ZNF438: variants seen among roughly 807,000 people sequenced by gnomAD.
The protein encoded by ZNF438 is zinc finger protein 438.
Under a neutral mutation model 38.0 loss-of-function variants are expected in ZNF438, and 25 were observed. The ratio of observed to expected loss-of-function variants is 0.66; its 90% CI spans 0.48 to 0.92. ZNF438 has a LOEUF of 0.92. ZNF438 is among the 40% of genes least tolerant of loss of function. ZNF438 has a pLI of 0.00. For synonymous variants in ZNF438, 372 were observed against 364.1 expected (o/e 1.02, Z -0.25); for missense variants, 1,007 against 999.6 (o/e 1.01, Z -0.10).
chr10:30,861,450 G>A (rs1182450686), intron 4 of ZNF438, among the ~76,000 whole-genome samples: 23 of 152,002 alleles, frequency 1.5e-4, no homozygotes, highest in Admixed American at 1.5e-3. Context: ...GCTGCAAGAG[G>A]AAACAAGCAT....
chr10:30,939,942 A>G (rs937837653), intron 2 of ZNF438, among the ~76,000 whole-genome samples: 2 of 152,210 alleles, frequency 1.3e-5, no homozygotes, highest in African/African-American at 4.8e-5. Flanking sequence ...GTGGAAAAAT[A>G]TATTCTGCAT....
intron 3 of ZNF438, among the ~76,000 whole-genome samples, chr10:30,889,057 T>C (rs1343049360): frequency 6.6e-6 from 1 of 152,208 alleles, no homozygotes. Flanking sequence ...CACATATATA[T>C]ACAATAATAT....
intron 1 of ZNF438, among the ~76,000 whole-genome samples, chr10:30,958,700 T>C (rs1198837041): frequency 6.8e-6 from 1 of 146,980 alleles, no homozygotes; most frequent in Non-Finnish European, 1.5e-5. Flanking sequence ...CCCAATTCCC[T>C]TGAGTTCATA....
At chr10:30,867,678 G>C (rs1270399122) in intron 4 of ZNF438, among the ~76,000 whole-genome samples, 2 of 152,136 alleles carry the variant, frequency 1.3e-5, no homozygotes, top group African/African-American at 2.4e-5. Flanking sequence ...GGGCAGGTTT[G>C]TGTGAATGAG....
At chr10:30,858,123 C>T (rs556787538) in intron 4 of ZNF438, among the ~76,000 whole-genome samples, 1 of 152,316 alleles carries the variant, frequency 6.6e-6, no homozygotes, top group South Asian at 2.1e-4. Flanking sequence ...GAGGCGTGTC[C>T]CTGCTCTTGA....
chr10:30,865,285 A>G (rs1453390156), intron 4 of ZNF438, among the ~76,000 whole-genome samples: 1 of 152,216 alleles, frequency 6.6e-6, no homozygotes, highest in African/African-American at 2.4e-5. Flanking sequence ...CACACATAGC[A>G]ATGCGCAATA....
At chr10:30,930,803 CAAAAAAAAAAAAAAAAAAA>C (rs71527620) in intron 2 of ZNF438, among the ~76,000 whole-genome samples, 3 of 38,444 alleles carry the variant, frequency 7.8e-5, no homozygotes, top group Admixed American at 8.2e-4. Context: ...GAAACTCAGT[CAAAAAAAAAAAAAAAAAAA>C]AAAAAAAAAA....
At chr10:30,857,201 T>G (rs1475182652) in intron 4 of ZNF438, among the ~76,000 whole-genome samples, 1 of 152,074 alleles carries the variant, frequency 6.6e-6, no homozygotes, top group Non-Finnish European at 1.5e-5. Flanking sequence ...CATATCTAAA[T>G]TTTAAATAGA....
At chr10:30,976,494 C>A (rs2051364885) in intron 1 of ZNF438, among the ~76,000 whole-genome samples, 2 of 152,158 alleles carry the variant, frequency 1.3e-5, no homozygotes, top group Non-Finnish European at 2.9e-5. Context: ...GTAATCCCAG[C>A]ACTTTGGGAG....
At position 30,906,854 on chromosome 10, in the gene ZNF438, G is replaced by A. The variant is rs142808090; in HGVS notation, c.-32+2079C>T. Among the ~76,000 whole-genome samples the A allele has an allele frequency of 5.9e-5, 9 of 152,276 alleles. No individual in the cohort carries two copies. In the East Asian group the frequency reaches 1.7e-3, roughly 29 times the overall value. On this transcript the variant is annotated intron_variant, in intron 3 of 5. Transcript: ENST00000413025. ...CTGTTCTCTATTCTATTAATGTGGT[G>A]TCAACACTGATTTTTCATATGTCAA...
At chr10:30,971,871 A>G (rs534825410) in intron 1 of ZNF438, among the ~76,000 whole-genome samples, 60 of 152,340 alleles carry the variant, frequency 3.9e-4, no homozygotes, top group Admixed American at 2.9e-3. Flanking sequence ...CTCGGAAGCC[A>G]TAAATCAAAA....
chr10:30,889,082 T>G (rs1235677603), intron 3 of ZNF438, among the ~76,000 whole-genome samples: 1 of 152,210 alleles, frequency 6.6e-6, no homozygotes, highest in African/African-American at 2.4e-5. Context: ...TAGAAGCTAA[T>G]AGTACATAAA....
At chr10:30,991,902 C>G (rs1301400846) in intron 1 of ZNF438, among the ~76,000 whole-genome samples, 1 of 152,168 alleles carries the variant, frequency 6.6e-6, no homozygotes, top group Admixed American at 6.5e-5. Flanking sequence ...GAAGTATAAC[C>G]TCTGATCAAA....
At chr10:30,909,953 C>G (rs1437025883) in intron 2 of ZNF438, among the ~76,000 whole-genome samples, 1 of 152,122 alleles carries the variant, frequency 6.6e-6, no homozygotes, top group Non-Finnish European at 1.5e-5. Context: ...ATCCTCATAA[C>G]CAACGTAAAG....
intron 4 of ZNF438, chr10:30,875,517 A>T (rs749133851): frequency 1.0e-6 from 1 of 985,120 alleles, no homozygotes; most frequent in Non-Finnish European, 1.2e-6. Flanking sequence ...TTGCTTGGAT[A>T]AAAAAAGGTA....
chr10:30,940,320 G>A (rs1036704668), intron 2 of ZNF438, among the ~76,000 whole-genome samples: 7 of 152,100 alleles, frequency 4.6e-5, no homozygotes, highest in South Asian at 2.1e-4. Context: ...AAAGCTACAC[G>A]GTAAAATATG....
At chr10:30,865,588 C>T (rs1176447594) in intron 4 of ZNF438, among the ~76,000 whole-genome samples, 2 of 152,190 alleles carry the variant, frequency 1.3e-5, no homozygotes, top group Admixed American at 6.5e-5. Context: ...GTCTAAAATG[C>T]TAAAACAATT....
At chr10:31,025,294 T>G (rs61845217) in intron 1 of ZNF438, among the ~76,000 whole-genome samples, 2 of 152,230 alleles carry the variant, frequency 1.3e-5, no homozygotes, top group Non-Finnish European at 2.9e-5. Context: ...AGAAGTTGTC[T>G]TGTACATTGT....
chr10:31,025,352 G>C (rs1024772526), intron 1 of ZNF438, among the ~76,000 whole-genome samples: 3 of 152,134 alleles, frequency 2.0e-5, no homozygotes, highest in Admixed American at 6.5e-5. Context: ...CTAGATGCTA[G>C]GAGTAATGTC....
Sources: allele counts gnomAD v4.1 joint callset (sites outside exome capture counted in the v4.1 genomes callset), GRCh38; gene constraint gnomAD v4.1.1; transcripts MANE v1.5; gene names NCBI Gene and HGNC (gene_info 2026-07-23, HGNC 2026-07-21).